CHST11: variants seen among roughly 807,000 people sequenced by gnomAD.
CHST11 encodes the protein C4S-1.
A neutral mutation model predicts 30.4 loss-of-function variants in CHST11; 9 were observed. The observed-to-expected ratio is 0.30, with a 90% CI of 0.18 to 0.52. The LOEUF (loss-of-function observed/expected upper bound fraction) is 0.52, where lower values mean the gene tolerates loss of function less well. Ranked by LOEUF, CHST11 falls within the 20% of genes least tolerant of loss-of-function variation. The probability of loss-of-function intolerance (pLI) is 0.97; values close to 1 mark genes in which losing one functional copy is unlikely to be tolerated. For synonymous variants in CHST11, 152 were observed against 187.8 expected (o/e 0.81, Z 1.56); for missense variants, 348 against 460.6 (o/e 0.76, Z 2.24).
intron 1 of CHST11, among the ~76,000 whole-genome samples, chr12:104,480,510 G>A (rs1012690748): frequency 8.6e-5 from 13 of 151,538 alleles, no homozygotes; most frequent in African/African-American, 1.9e-4. Flanking sequence ...CCTGGGAGGC[G>A]GAGGTTGCAG....
chr12:104,566,396 G>A (rs372001113), intron 1 of CHST11, among the ~76,000 whole-genome samples: 5 of 152,268 alleles, frequency 3.3e-5, no homozygotes, highest in East Asian at 1.9e-4. Flanking sequence ...CCTACAAAAT[G>A]AAAGCCACTC....
rs149085977 is a variant in CHST11 at position 104,472,510 on chromosome 12, A to G, written c.118+14981A>G. On this transcript the variant is annotated intron_variant, in intron 1 of 2. Transcript: ENST00000303694. ...GATTGTGCTATTGAGATCTTGACAC[A>G]GTCTGCCATGTAGCAAGAGCAACTG... 3.0e-3 allele frequency among the ~76,000 whole-genome samples: 456 copies of G among 152,324 alleles called. 5 individuals carry two copies. The highest frequency in any genetic ancestry group is 0.01 in the African/African-American group (432 of 41,578).
intron 1 of CHST11, among the ~76,000 whole-genome samples, chr12:104,475,261 A>C (rs1431372256): frequency 6.6e-6 from 1 of 152,190 alleles, no homozygotes; most frequent in South Asian, 2.1e-4. Context: ...AATAAGACTT[A>C]GTTCCTGCCT....
chr12:104,708,839 C>T (rs558844788), intron 2 of CHST11, among the ~76,000 whole-genome samples: 24 of 152,224 alleles, frequency 1.6e-4, no homozygotes, highest in East Asian at 7.7e-4. Flanking sequence ...GTATTACCTG[C>T]GATGCGGCAG....
chr12:104,476,751 A>G (rs142537545), intron 1 of CHST11, among the ~76,000 whole-genome samples: 1 of 151,922 alleles, frequency 6.6e-6, no homozygotes, highest in Non-Finnish European at 1.5e-5. Flanking sequence ...TGTCCATCTT[A>G]CTATATCCCA....
In CHST11 at chr12:104,577,396, C is replaced by T. The variant is rs114997525; in HGVS notation, c.119-24510C>T. ...CCAAACTTGAGAGCTCTTTTTGGAACACTCCAGGAAAGAAGGGCTGTGTAC... is the reference window on the plus strand; with the variant it reads ...CCAAACTTGAGAGCTCTTTTTGGAATACTCCAGGAAAGAAGGGCTGTGTAC... On this transcript the variant is annotated intron_variant, in intron 1 of 2. Coordinates refer to ENST00000303694, the MANE Select transcript of CHST11 (RefSeq NM_018413.6). 5.4e-3 allele frequency among the ~76,000 whole-genome samples: 825 copies of T among 152,110 alleles called. 5 individuals carry two copies. The highest frequency in any genetic ancestry group is 0.018 in the African/African-American group (746 of 41,488).
chr12:104,691,680 G>T (rs1454484942), intron 2 of CHST11, among the ~76,000 whole-genome samples: 1 of 152,008 alleles, frequency 6.6e-6, no homozygotes, highest in African/African-American at 2.4e-5. Context: ...CATACAGTTG[G>T]GGTTTCACCA....
At chr12:104,669,098 G>A (rs1178944023) in intron 2 of CHST11, among the ~76,000 whole-genome samples, 4 of 152,206 alleles carry the variant, frequency 2.6e-5, no homozygotes. Context: ...TGCGTTAGAC[G>A]TACGCACCCC....
rs1288874696 is a variant in CHST11, at chr12:104,676,010, C to CCG, written c.204+74020_204+74021insGC. Among the ~76,000 whole-genome samples the CCG allele has an allele frequency of 1.3e-5, 2 of 152,152 alleles. No individual in the cohort carries two copies. The highest frequency in any genetic ancestry group is 2.9e-5 in the Non-Finnish European group (2 of 68,024). On this transcript the variant is annotated intron_variant, in intron 2 of 2. Coordinates refer to ENST00000303694, the MANE Select transcript of CHST11 (RefSeq NM_018413.6). This position sits in a 1 kb window ranked among gnomAD's most constrained non-coding sequence, Gnocchi z 4.4. ...GGTTCACAAGCTACATCCCCGCATG[C>CCG]CTCGACTGGTCAACTCCTATAATTC...
At chr12:104,613,292 T>TAGATAGATAGATAGATAGATAG (rs1034049823) in intron 2 of CHST11, among the ~76,000 whole-genome samples, 1 of 148,320 alleles carries the variant, frequency 6.7e-6, no homozygotes, top group African/African-American at 2.5e-5. Flanking sequence ...GATAGATAGA[T>TAGATAGATAGATAGATAGATAG]ATAGATATAT....
chr12:104,609,662 T>C (rs2039039418), intron 2 of CHST11, among the ~76,000 whole-genome samples: 1 of 152,164 alleles, frequency 6.6e-6, no homozygotes, highest in Non-Finnish European at 1.5e-5. Flanking sequence ...CAAGCCTTGG[T>C]TATCTGTAAA....
In CHST11 at chr12:104,468,088, A is replaced by C. The variant is rs1264748361; in HGVS notation, c.118+10559A>C. Among the ~76,000 whole-genome samples, 4 of 152,002 alleles carry C rather than the reference A, an allele frequency of 2.6e-5. No homozygotes were observed. In the East Asian group the frequency reaches 7.7e-4, roughly 29 times the overall value. On this transcript the variant is annotated intron_variant, in intron 1 of 2. Transcript: ENST00000303694. ...GAGACACAATAACAAATGGATATTA[A>C]ATTATAGAGTATGTTGGAAGGTGAC...
intron 2 of CHST11, among the ~76,000 whole-genome samples, chr12:104,640,197 A>T (rs775786527): frequency 1.3e-5 from 2 of 152,224 alleles, no homozygotes; most frequent in Non-Finnish European, 2.9e-5. Flanking sequence ...ACATCCTCTT[A>T]TCATGTGATC....
At chr12:104,594,791 CA>C (rs1566000518) in intron 1 of CHST11, among the ~76,000 whole-genome samples, 1 of 151,952 alleles carries the variant, frequency 6.6e-6, no homozygotes, top group Non-Finnish European at 1.5e-5. Context: ...ACTGTTTCTA[CA>C]AAAAAATTGC....
chr12:104,579,891 G>A (rs1565994751), intron 1 of CHST11, among the ~76,000 whole-genome samples: 1 of 152,204 alleles, frequency 6.6e-6, no homozygotes, highest in Non-Finnish European at 1.5e-5. Flanking sequence ...GTGATGCATT[G>A]GATCCTCTGC....
chr12:104,489,707 C>T (rs772201920), intron 1 of CHST11, among the ~76,000 whole-genome samples: 21 of 152,034 alleles, frequency 1.4e-4, no homozygotes, highest in Non-Finnish European at 2.6e-4. Context: ...TTGTGATCTA[C>T]CCACCTCGGC....
At chr12:104,702,133 T>C (rs1466542825) in intron 2 of CHST11, among the ~76,000 whole-genome samples, 1 of 152,196 alleles carries the variant, frequency 6.6e-6, no homozygotes. Flanking sequence ...AAAATGTCTC[T>C]ACCCCAGGTA....
At chr12:104,602,481 G>A (rs780949635) in intron 2 of CHST11, among the ~76,000 whole-genome samples, 25 of 152,162 alleles carry the variant, frequency 1.6e-4, no homozygotes, top group Non-Finnish European at 2.9e-4. Context: ...AATCTAACTC[G>A]TTAGTTTAAT....
chr12:104,590,003 T>C (rs999644116), intron 1 of CHST11, among the ~76,000 whole-genome samples: 1 of 139,496 alleles, frequency 7.2e-6, no homozygotes, highest in Non-Finnish European at 1.6e-5. Context: ...AGCGAGACTC[T>C]GTCTCAAAAT....
Sources: allele counts gnomAD v4.1 joint callset (sites outside exome capture counted in the v4.1 genomes callset), GRCh38; gene constraint gnomAD v4.1.1; non-coding constraint Gnocchi (gnomAD v3.1); transcripts MANE v1.5; gene names NCBI Gene and HGNC (gene_info 2026-07-23, HGNC 2026-07-21).